The following DHTKD1 variants were observed in gnomAD, a reference collection of about 807,000 sequenced individuals.
DHTKD1 encodes dehydrogenase E1 and transketolase domain containing 1.
A neutral mutation model predicts 101.8 loss-of-function variants in DHTKD1; 78 were observed. The ratio of observed to expected loss-of-function variants is 0.77; its 90% confidence interval spans 0.64 to 0.93. The LOEUF is 0.93. Among genes scored for constraint, DHTKD1 ranks in the 40% least tolerant of loss-of-function variants. DHTKD1 has a pLI of 0.00. For missense variants in DHTKD1, 1,223 were observed against 1,161.7 expected (o/e 1.05, Z -0.77); for synonymous variants, 462 against 450.3 (o/e 1.03, Z -0.33).
rs1438322947 is a variant in DHTKD1, at chr10:12,121,867, A to G, written c.*979A>G. The G allele has an allele frequency of 6.6e-6, 1 of 152,220 alleles. No individual in the cohort carries two copies. The highest frequency in any genetic ancestry group is 1.9e-4 in the East Asian group (1 of 5,206). 9.4% of individuals were successfully genotyped at this position (152,220 alleles called of 1,614,324 possible). ...CAGACTTGACCCTAATTGACCATAT[A>G]TGACCAGGAAACACTTCTGAGTTTA... On this transcript the variant is annotated 3_prime_UTR_variant, in exon 17 of 17. Transcript: ENST00000263035.
chr10:12,105,469 C>A (rs1833229267), intron 10 of DHTKD1, among the ~76,000 whole-genome samples: 1 of 152,070 alleles, frequency 6.6e-6, no homozygotes, highest in Non-Finnish European at 1.5e-5. Flanking sequence ...GCATGTGCCA[C>A]CATGCCCAGC....
intron 13 of DHTKD1, among the ~76,000 whole-genome samples, chr10:12,117,332 A>G (rs1177516393): frequency 1.7e-5 from 2 of 115,012 alleles, no homozygotes; most frequent in African/African-American, 6.7e-5. Context: ...TTTTTTTAAT[A>G]GAGGCAAGGC....
Position 12,101,128 on chromosome 10 carries a change from G to A in DHTKD1, c.1843G>A (p.Asp615Asn). 1.2e-6 allele frequency: 2 copies of A among 1,614,110 alleles called. No individual in the cohort carries two copies. Among genetic ancestry groups the A allele is most frequent in the Non-Finnish European group, 1.7e-6 (2 of 1,180,024 alleles). Reference sequence around the variant, plus strand: ...AATCGTGGTTTGCCAGGAGACGGATGACACCTACATCCCCCTGAACCATAT... The same window carrying A: ...AATCGTGGTTTGCCAGGAGACGGATAACACCTACATCCCCCTGAACCATAT... ...HAIVVCQETDDTYIPLNHMDP... is the reference protein window; with the variant it reads ...HAIVVCQETDNTYIPLNHMDP... The change falls in exon 10 of 17, where the codon GAC (aspartate) becomes AAC (asparagine). Residue 615 changes from aspartate (D) to asparagine (N), a missense_variant. Coordinates refer to ENST00000263035, the MANE Select transcript of DHTKD1 (RefSeq NM_018706.7).
rs1554790545 is a variant in DHTKD1, at chr10:12,076,995, A to AG, written c.155-4475dup. On this transcript the variant is annotated intron_variant, in intron 1 of 16. Transcript: ENST00000263035. The stretch of plus-strand genomic sequence containing the variant: ...TCTGATAAAAAAAAAAAAAAAAAAA[A>AG]GGAAGAAAAAAGAACAAGTCGGCAA... Among the ~76,000 whole-genome samples the AG allele has an allele frequency of 1.7e-4, 22 of 128,058 alleles. 1 individual carries two copies. Among genetic ancestry groups the AG allele is most frequent in the African/African-American group, 5.3e-4 (20 of 37,490 alleles). The allele number at this position is 128,058 out of a possible 152,430, so 84.0% of individuals were successfully genotyped here. A position where few individuals can be genotyped will look rare whatever the true frequency, so the allele number is the denominator to read the frequency against.
At chr10:12,120,146 C>T in intron 15 of DHTKD1, 36 bp from the exon 16 acceptor site, 12 of 1,536,054 alleles carry the variant, frequency 7.8e-6, no homozygotes, top group Non-Finnish European at 1.1e-5. Flanking sequence ...CTGCATGTGT[C>T]TACTTGAGGT....
At chr10:12,071,109 C>T (rs1007496568) in intron 1 of DHTKD1, among the ~76,000 whole-genome samples, 3 of 152,188 alleles carry the variant, frequency 2.0e-5, no homozygotes, top group African/African-American at 7.2e-5. Context: ...GGGCAGCAAC[C>T]CACCTCTGGT....
At chr10:12,081,748 C>A (rs748501030) in intron 2 of DHTKD1, 121 bp downstream of exon 2, 3 of 1,082,380 alleles carry the variant, frequency 2.8e-6, no homozygotes, top group African/African-American at 3.2e-5. Context: ...TGAGGAGACC[C>A]GAGGGGCATG....
rs556857363 is a variant in DHTKD1 at position 12,118,558 on chromosome 10, A to G, written c.2403-191A>G. On this transcript the variant is annotated intron_variant, in intron 14 of 16. Transcript: ENST00000263035. ...CCAGTACGCCCGGCTAATTTTTTGTATTTTTAGTAGAGACAGGGTTTCACC... is the reference window on the plus strand; with the variant it reads ...CCAGTACGCCCGGCTAATTTTTTGTGTTTTTAGTAGAGACAGGGTTTCACC... Among the ~76,000 whole-genome samples, 8 of 151,686 alleles carry G rather than the reference A, an allele frequency of 5.3e-5. No individual in the cohort carries two copies. The East Asian group carries it at 7.8e-4, about 15-fold the overall frequency.
rs1401577515 is a variant in DHTKD1, at chr10:12,108,494, A to G, written c.2154+479A>G. 5.9e-5 allele frequency among the ~76,000 whole-genome samples: 9 copies of G among 152,064 alleles called. No homozygotes were observed. The South Asian group carries it at 1.2e-3, about 21-fold the overall frequency. On this transcript the variant is annotated intron_variant, in intron 12 of 16. Transcript: ENST00000263035. ...GGTGTTCTTCCATGTTGGCCAGGCT[A>G]GTCTGAAACTCCTGGCCTCAAGTGA...
At chr10:12,095,541 C>G (rs944521630) in intron 7 of DHTKD1, among the ~76,000 whole-genome samples, 1 of 149,962 alleles carries the variant, frequency 6.7e-6, no homozygotes, top group East Asian at 2.0e-4. Flanking sequence ...TGGCCAGGCG[C>G]GGTGGCTCAC....
chr10:12,073,297 T>C (rs1347465131), intron 1 of DHTKD1, among the ~76,000 whole-genome samples: 1 of 152,126 alleles, frequency 6.6e-6, no homozygotes, highest in African/African-American at 2.4e-5. Context: ...CCTCCCAAAG[T>C]TCTGGGATTA....
intron 1 of DHTKD1, among the ~76,000 whole-genome samples, chr10:12,076,768 C>G (rs1325112862): frequency 6.6e-6 from 1 of 151,910 alleles, no homozygotes; most frequent in South Asian, 2.1e-4. Flanking sequence ...ACGCCATTCT[C>G]CTACCTCAGC....
At chr10:12,095,399 C>T (rs548762058) in intron 7 of DHTKD1, among the ~76,000 whole-genome samples, 13 of 152,082 alleles carry the variant, frequency 8.5e-5, no homozygotes, top group South Asian at 2.1e-4. Flanking sequence ...ATTGAAATGC[C>T]GGGCATGGTG....
intron 7 of DHTKD1, among the ~76,000 whole-genome samples, 190 bp from the exon 8 acceptor site, chr10:12,097,494 G>A (rs933026327): frequency 5.9e-5 from 9 of 151,998 alleles, no homozygotes; most frequent in Admixed American, 1.3e-4. Flanking sequence ...GGCTGGTCCC[G>A]AACTCCTGAC....
chr10:12,086,133 G>A (rs185719241), intron 3 of DHTKD1, among the ~76,000 whole-genome samples: 50 of 151,452 alleles, frequency 3.3e-4, no homozygotes, highest in African/African-American at 1.2e-3. Flanking sequence ...CTCCCAAAAT[G>A]CTAGGATTAC....
intron 7 of DHTKD1, among the ~76,000 whole-genome samples, chr10:12,097,449 T>C (rs1833086534): frequency 6.6e-6 from 1 of 152,060 alleles, no homozygotes; most frequent in Admixed American, 6.6e-5. Flanking sequence ...ATTTTTTGTA[T>C]TTTTAGTAGA....
intron 1 of DHTKD1, among the ~76,000 whole-genome samples, chr10:12,072,505 A>G (rs974983303): frequency 9.9e-5 from 14 of 141,024 alleles, no homozygotes; most frequent in African/African-American, 3.3e-4. Flanking sequence ...ATAAATAAAT[A>G]CAAATAAATA....
At chr10:12,118,385 CT>C (rs56119960) in intron 14 of DHTKD1, among the ~76,000 whole-genome samples, 40 of 137,472 alleles carry the variant, frequency 2.9e-4, no homozygotes, top group Admixed American at 4.5e-4. Flanking sequence ...ACATAATTCT[CT>C]TTTTTTTTTT....
intron 1 of DHTKD1, 124 bp from the exon 2 acceptor site, chr10:12,081,348 A>AAAAT (rs569112793): frequency 1.3e-5 from 10 of 747,386 alleles, no homozygotes; most frequent in East Asian, 5.4e-5. Context: ...CCCTGTCTCT[A>AAAAT]AAATAAATAA....
Sources: gnomAD v4.1 joint callset for allele counts (sites outside exome capture counted in the v4.1 genomes callset) on GRCh38, gnomAD v4.1.1 for gene constraint, MANE v1.5 for transcripts, NCBI Gene and HGNC (gene_info 2026-07-23, HGNC 2026-07-21) for gene names.